The following GHDC variants were observed in gnomAD, a reference collection of about 807,000 sequenced individuals.
GHDC encodes the protein GH3 domain-containing protein.
Under a neutral mutation model 51.5 loss-of-function variants are expected in GHDC, and 39 were observed. The ratio of observed to expected loss-of-function variants is 0.76; its 90% confidence interval spans 0.59 to 0.99. The LOEUF (loss-of-function observed/expected upper bound fraction) is 0.99. GHDC is among the 50% of genes least tolerant of loss of function. The probability of loss-of-function intolerance (pLI) is 0.00; values close to 1 mark genes in which losing one functional copy is unlikely to be tolerated. For synonymous variants in GHDC, 282 were observed against 305.2 expected (o/e 0.92, Z 0.79); for missense variants, 610 against 672.8 (o/e 0.91, Z 1.03).
rs756718695 is a variant in GHDC at position 42,193,424 on chromosome 17, C to T, written c.158G>A (p.Arg53Gln). Residue 53 changes from arginine to glutamine, a missense_variant, in exon 3 of 10, where the codon CGG (arginine) becomes CAG (glutamine). By Grantham distance (43) the Arg-to-Gln change is conservative. Transcript: ENST00000587427. ...ALVWAATWQR[R>Q]RLEQSTLHVH... ...ATGGAGCGTGCTCTGCTCCAGCCTC[C>T]GCCGCTGCCAGGTGGCTGCCCAGAC... 1.9e-5 allele frequency: 30 copies of T among 1,565,506 alleles called. No homozygotes were observed. Among genetic ancestry groups the T allele is most frequent in the African/African-American group, 1.9e-4 (14 of 74,050 alleles).
In GHDC at chr17:42,190,828, C is replaced by T; in HGVS notation, c.1154+4G>A. The T allele has an allele frequency of 3.7e-6, 6 of 1,613,666 alleles. No homozygotes were observed. Among genetic ancestry groups the T allele is most frequent in the Non-Finnish European group, 5.1e-6 (6 of 1,179,900 alleles). On this transcript the variant is annotated splice_donor_region_variant and intron_variant, in intron 7 of 9. Transcript: ENST00000587427. ...TGGCCCTTCAGCTCCCCGGGGTCAC[C>T]TACCTGCAGATGAACCTGACGACTG...
intron 8 of GHDC, 123 bp downstream of exon 8, chr17:42,190,501 G>T: frequency 7.1e-7 from 1 of 1,418,346 alleles, no homozygotes; most frequent in South Asian, 1.4e-5. Flanking sequence ...GTTAGATGCA[G>T]AGAAGGACTT....
In GHDC at chr17:42,191,209, C is replaced by T; in HGVS notation, c.891G>A (p.Gly297=). Reference sequence around the variant, plus strand: ...CTGGCTGTAGGTTTAGGCCCAGCACCCCTGTGAAAGCAAAGCAGCCTCCTC... The same window carrying T: ...CTGGCTGTAGGTTTAGGCCCAGCACTCCTGTGAAAGCAAAGCAGCCTCCTC... ...FFSPAYAASG[G]VLGLNLQPEQ... The change falls in exon 6 of 10, where the codon GGG becomes GGA. Residue 297 remains glycine (G), a splice_region_variant and synonymous_variant. Coordinates refer to ENST00000587427, the MANE Select transcript of GHDC (RefSeq NM_032484.5). 1.3e-6 allele frequency: 2 copies of T among 1,502,494 alleles called. No individual in the cohort carries two copies. Among genetic ancestry groups the T allele is most frequent in the African/African-American group, 2.9e-5 (2 of 69,172 alleles). 93.1% of individuals were successfully genotyped at this position (1,502,494 alleles called of 1,614,324 possible).
chr17:42,189,869 C>G lies in GHDC; in HGVS notation c.1427G>C (p.Trp476Ser), dbSNP rs1251403217. The G allele has an allele frequency of 9.0e-6, 14 of 1,561,312 alleles. No homozygotes were observed. Among genetic ancestry groups the G allele is most frequent in the Non-Finnish European group, 1.0e-5 (12 of 1,153,866 alleles). The change falls in exon 10 of 10, where the codon TGG (tryptophan) becomes TCG (serine). Residue 476 changes from tryptophan (W) to serine (S), a missense_variant. By Grantham distance (177) the Trp-to-Ser change is radical. Transcript: ENST00000587427. Reference protein sequence around the residue: ...ASPRYKSLRFWGSVGPARVHL... With the variant: ...ASPRYKSLRFSGSVGPARVHL... ...GACTCTGGCAGGGCCCACGCTGCCC[C>G]AGAACCGCAGGGACTTGTAGCGGGG...
chr17:42,192,192 G>A (rs770766809), intron 5 of GHDC, 49 bp downstream of exon 5: 4 of 1,507,856 alleles, frequency 2.7e-6, no homozygotes, highest in African/African-American at 1.4e-5. Flanking sequence ...TGCTTGTCAT[G>A]TGACCACTGA....
rs2079950600 is a variant in GHDC, at chr17:42,189,589, T to G, written c.*114A>C. The stretch of plus-strand genomic sequence containing the variant: ...AGGCCCAGCGGCTCTCATGGGCAAA[T>G]GTCAGGTGACACAGAGTCAGAGACC... On this transcript the variant is annotated 3_prime_UTR_variant, in exon 10 of 10. Transcript: ENST00000587427. 1.8e-6 allele frequency: 1 copy of G among 543,536 alleles called. No homozygotes were observed. Among genetic ancestry groups the G allele is most frequent in the Non-Finnish European group, 3.1e-6 (1 of 324,558 alleles). 33.7% of individuals were successfully genotyped at this position (543,536 alleles called of 1,614,324 possible).
rs1318634567 is a variant in GHDC at position 42,193,392 on chromosome 17, G to C, written c.190C>G (p.Gln64Glu). The C allele has an allele frequency of 6.3e-7, 1 of 1,596,926 alleles. No individual in the cohort carries two copies. Among genetic ancestry groups the C allele is most frequent in the African/African-American group, 1.3e-5 (1 of 74,790 alleles). The change falls in exon 3 of 10, where the codon CAG becomes GAG. Residue 64 changes from glutamine to glutamate, a missense_variant. By Grantham distance (29) the Gln-to-Glu change is conservative (BLOSUM62 2). Coordinates refer to ENST00000587427, the MANE Select transcript of GHDC (RefSeq NM_032484.5). ...RLEQSTLHVH[Q>E]SQQQALRWCL... ...CACCTCAGGGCCTGCTGCTGGCTCT[G>C]GTGCACATGGAGCGTGCTCTGCTCC...
rs2079956097 is a variant in GHDC at position 42,190,079 on chromosome 17, C to T, written c.1374+106G>A. 3.5e-6 allele frequency: 5 copies of T among 1,447,572 alleles called. No homozygotes were observed. The East Asian group carries it at 9.1e-5, about 26-fold the overall frequency. The allele number at this position is 1,447,572 out of a possible 1,614,324, so 89.7% of individuals were successfully genotyped here. A position where few individuals can be genotyped will look rare whatever the true frequency, so the allele number is the denominator to read the frequency against. On this transcript the variant is annotated intron_variant, in intron 9 of 9. Transcript: ENST00000587427. ...CCCCTCCCAGAGCCCCAGGGAGCTT[C>T]TCCTCCGCCACCCCTCTCCTTCCCA...
Position 42,191,812 on chromosome 17 carries a change from G to C in GHDC, c.889+429C>G, listed in dbSNP as rs548899742. ...GGGTCTTGCTCTGTCACCCAGGCTG[G>C]AGTGCAATGGCGCGATCTCAGCTCA... On this transcript the variant is annotated intron_variant, in intron 5 of 9. Transcript: ENST00000587427. Among the ~76,000 whole-genome samples the C allele has an allele frequency of 2.0e-5, 3 of 148,708 alleles. No individual in the cohort carries two copies. The South Asian group carries it at 6.4e-4, about 32-fold the overall frequency.
rs370923206 is a variant in GHDC at position 42,190,848 on chromosome 17, C to G, written c.1138G>C (p.Val380Leu). 1 of 1,612,894 alleles carries G rather than the reference C, an allele frequency of 6.2e-7. No homozygotes were observed. Among genetic ancestry groups the G allele is most frequent in the African/African-American group, 1.3e-5 (1 of 74,880 alleles). Residue 380 changes from valine (V) to leucine (L), a missense_variant, in exon 7 of 10, where the codon GTC (valine) becomes CTC (leucine). Physicochemically the swap from Val to Leu is conservative, Grantham distance 32. This residue lies in a region of GHDC where 412 missense variants were observed against 410.4 expected (regional missense o/e 1.00). Transcript: ENST00000587427. ...VVGAYNQCPVVRFICRLDQTL... is the reference protein window; with the variant it reads ...VVGAYNQCPVLRFICRLDQTL... ...GTCACCTACCTGCAGATGAACCTGA[C>G]GACTGGACACTGATTGTAGGCACCA...
At chr17:42,193,699 A>T in intron 2 of GHDC, 68 bp downstream of exon 2, 5 of 1,354,704 alleles carry the variant, frequency 3.7e-6, no homozygotes, top group Non-Finnish European at 4.9e-6. Context: ...GAAATTGGGA[A>T]GAAGGCAGGA....
Position 42,190,676 on chromosome 17 carries a change from C to T in GHDC, c.1236G>A (p.Gln412=), listed in dbSNP as rs775916866. The T allele has an allele frequency of 6.2e-6, 10 of 1,613,852 alleles. No homozygotes were observed. In the East Asian group the frequency reaches 2.2e-4, roughly 36 times the overall value. The change falls in exon 8 of 10, where the codon CAG becomes CAA. Residue 412 remains glutamine, a synonymous_variant. Transcript: ENST00000587427. ...FSEALGRAVG[Q]WAGAKLLDHG... Reference sequence around the variant, plus strand: ...GGTCCAGCAGCTTGGCCCCCGCCCACTGCCCCACTGCCCGGCCCAGGGCCT... The same window carrying T: ...GGTCCAGCAGCTTGGCCCCCGCCCATTGCCCCACTGCCCGGCCCAGGGCCT...
Position 42,192,673 on chromosome 17 carries a change from G to A in GHDC, c.457C>T (p.Arg153Cys), listed in dbSNP as rs1598286374. The change falls in exon 5 of 10, where the codon CGT becomes TGT. Residue 153 changes from arginine (R) to cysteine (C), a missense_variant. By Grantham distance (180) the Arg-to-Cys change is radical. Around this residue, in one of 2 missense-constraint regions of GHDC, gnomAD observed 198 missense variants for 262.3 expected, o/e 0.75. Coordinates refer to ENST00000587427, the MANE Select transcript of GHDC (RefSeq NM_032484.5). ...GGCCAAGGGGATGTAAGCGTCACAC[G>A]GGCAGTGCGTCCCTGAGCCAGCACT... ...PEVLAQGRTA[R>C]VTLTSPWPRP... 3.8e-6 allele frequency: 6 copies of A among 1,598,404 alleles called. No homozygotes were observed. The highest frequency in any genetic ancestry group is 4.3e-6 in the Non-Finnish European group (5 of 1,171,244).
chr17:42,191,892 A>C (rs1476336262), intron 5 of GHDC, among the ~76,000 whole-genome samples: 1 of 151,428 alleles, frequency 6.6e-6, no homozygotes, highest in Non-Finnish European at 1.5e-5. Context: ...CCTCCCAGGT[A>C]GCTGGGATTA....
At chr17:42,191,416 G>A (rs2079968099) in intron 5 of GHDC, among the ~76,000 whole-genome samples, 2 of 152,172 alleles carry the variant, frequency 1.3e-5, no homozygotes, top group Admixed American at 1.3e-4. Context: ...GTCCTGGAGG[G>A]GGCAGACTTG....
rs765904873 is a variant in GHDC, at chr17:42,192,369, C to T, written c.761G>A (p.Arg254Gln). The T allele has an allele frequency of 8.1e-6, 13 of 1,612,796 alleles. No homozygotes were observed. The highest frequency in any genetic ancestry group is 1.6e-4 in the Middle Eastern group (1 of 6,084). Reference sequence around the variant, plus strand: ...CACCACCTGCAGCTTTGGCCAGAGCCGAAGGGCCAGTCCCCGTGGCCCCTG... The same window carrying T: ...CACCACCTGCAGCTTTGGCCAGAGCTGAAGGGCCAGTCCCCGTGGCCCCTG... ...LEQGPRGLAL[R>Q]LWPKLQVVVT... The change falls in exon 5 of 10, where the codon CGG becomes CAG. Residue 254 changes from arginine to glutamine, a missense_variant. Physicochemically the swap from Arg to Gln is conservative, Grantham distance 43. Transcript: ENST00000587427.
chr17:42,191,335 A>G (rs2079967466), intron 5 of GHDC, 125 bp from the exon 6 acceptor site: 6 of 935,308 alleles, frequency 6.4e-6, no homozygotes, highest in Non-Finnish European at 5.8e-6. Flanking sequence ...CTTCCACCAC[A>G]TCCTTCCTGG....
intron 5 of GHDC, 99 bp downstream of exon 5, chr17:42,192,138 GGGGA>G: frequency 1.4e-6 from 2 of 1,393,224 alleles, no homozygotes; most frequent in Non-Finnish European, 1.9e-6. Flanking sequence ...GCAGCTTGTT[GGGGA>G]GGATTAAATG....
rs72820887 is a variant in GHDC, at chr17:42,192,437, C to T, written c.693G>A (p.Ala231=). The part of the protein sequence containing the change: ...AGAIAAGNPG[A]PLRERAAELR... ...GCTCAGCTGCCCGTTCACGGAGAGG[C>T]GCTCCAGGGTTCCCGGCAGCTATCG... Residue 231 remains alanine (A), a synonymous_variant, in exon 5 of 10, where the codon GCG becomes GCA. Coordinates refer to ENST00000587427, the MANE Select transcript of GHDC (RefSeq NM_032484.5). The T allele has an allele frequency of 0.023, 37,499 of 1,613,352 alleles. 1,177 individuals are homozygous for T. Among genetic ancestry groups the T allele is most frequent in the East Asian group, 0.16 (7,017 of 44,874 alleles).
Sources: gnomAD v4.1 joint callset for allele counts (sites outside exome capture counted in the v4.1 genomes callset) on GRCh38, gnomAD v4.1.1 for gene constraint, gnomAD v4.1.1 regional missense constraint, MANE v1.5 for transcripts, NCBI Gene and HGNC (gene_info 2026-07-23, HGNC 2026-07-21) for gene names.